The following SNX13 variants were observed in gnomAD, a reference collection of about 807,000 sequenced individuals.
The protein encoded by SNX13 is sorting nexin 13.
Under a neutral mutation model 133.6 loss-of-function variants are expected in SNX13, and 45 were observed. The ratio of observed to expected loss-of-function variants is 0.34; its 90% CI spans 0.27 to 0.43. The LOEUF is 0.43. Among genes scored for constraint, SNX13 ranks in the 20% least tolerant of loss-of-function variants. SNX13 has a pLI of 1.00. For missense variants in SNX13, 1,032 were observed against 1,145.1 expected (o/e 0.90, Z 1.43); for synonymous variants, 414 against 373.9 (o/e 1.11, Z -1.24).
intron 3 of SNX13, among the ~76,000 whole-genome samples, chr7:17,892,739 G>A (rs1583654613): frequency 6.6e-6 from 1 of 152,102 alleles, no homozygotes; most frequent in South Asian, 2.1e-4. Flanking sequence ...TCAACTCCAG[G>A]CCATCTGCCT....
chr7:17,861,762 G>C (rs763601162), intron 9 of SNX13, among the ~76,000 whole-genome samples: 1 of 152,186 alleles, frequency 6.6e-6, no homozygotes, highest in Non-Finnish European at 1.5e-5. Context: ...TGAGAAAAGG[G>C]ATGCAAGATG....
intron 1 of SNX13, among the ~76,000 whole-genome samples, chr7:17,907,741 A>G (rs945122584): frequency 2.0e-5 from 3 of 152,200 alleles, no homozygotes; most frequent in African/African-American, 4.8e-5. Flanking sequence ...CATTTTGATT[A>G]AAGTTGGGAA....
chr7:17,890,671 A>G (rs1005892702), intron 4 of SNX13, among the ~76,000 whole-genome samples, 187 bp from the exon 5 acceptor site: 4 of 152,014 alleles, frequency 2.6e-5, no homozygotes, highest in African/African-American at 7.2e-5. Context: ...ACATTTTTAA[A>G]TTATTCTGGT....
At position 17,803,510 on chromosome 7, in the gene SNX13, T is replaced by C; in HGVS notation, c.2135A>G (p.Asp712Gly). 1 of 1,612,592 alleles carries C rather than the reference T, an allele frequency of 6.2e-7. No homozygotes were observed. Among genetic ancestry groups the C allele is most frequent in the Non-Finnish European group, 8.5e-7 (1 of 1,179,268 alleles). ...TTTAGTCATTCCCTCTGCCAAGCTA[T>C]CAGGAAGGGATTTAACTGCATTTGA... ...NVSNAVKSLP[D>G]SLAEGMTKMS... Residue 712 changes from aspartate to glycine, a missense_variant, in exon 21 of 26, where the codon GAT becomes GGT. Asp to Gly is a moderately conservative substitution (Grantham distance 94). Coordinates refer to ENST00000428135, the MANE Select transcript of SNX13 (RefSeq NM_015132.5).
chr7:17,897,586 G>A (rs1797343304), intron 1 of SNX13, 140 bp from the exon 2 acceptor site: 1 of 499,156 alleles, frequency 2.0e-6, no homozygotes, highest in Admixed American at 3.8e-5. Flanking sequence ...TTGAAAATGT[G>A]AAGTGTATAC....
At chr7:17,934,739 C>G (rs1034316850) in intron 1 of SNX13, among the ~76,000 whole-genome samples, 3 of 152,122 alleles carry the variant, frequency 2.0e-5, no homozygotes, top group African/African-American at 7.2e-5. Context: ...ATAGACATGT[C>G]TCAAAGGAAG....
intron 1 of SNX13, among the ~76,000 whole-genome samples, chr7:17,930,880 C>T (rs1801319151): frequency 6.6e-6 from 1 of 152,078 alleles, no homozygotes; most frequent in South Asian, 2.1e-4. Flanking sequence ...TTGTGAAGTG[C>T]ACATGCAAGG....
At chr7:17,842,704 A>G (rs1304267718) in intron 12 of SNX13, among the ~76,000 whole-genome samples, 2 of 152,076 alleles carry the variant, frequency 1.3e-5, no homozygotes, top group Non-Finnish European at 2.9e-5. Context: ...TGGTTTCTAC[A>G]TAATTTACAA....
At chr7:17,939,787 C>T (rs1360830691) in intron 1 of SNX13, among the ~76,000 whole-genome samples, 1 of 152,206 alleles carries the variant, frequency 6.6e-6, no homozygotes, top group Non-Finnish European at 1.5e-5. Flanking sequence ...AAGTCCACTT[C>T]ATGAAGCAGT....
chr7:17,904,894 T>A (rs983097258), intron 1 of SNX13, among the ~76,000 whole-genome samples: 2 of 152,164 alleles, frequency 1.3e-5, no homozygotes, highest in Non-Finnish European at 1.5e-5. Context: ...TGGAACCCTG[T>A]CTCATTCAGC....
In SNX13 at chr7:17,912,671, C is replaced by CAA. The variant is rs2128022332; in HGVS notation, c.13-15227_13-15226dup. Reference sequence around the variant, plus strand: ...AAGTCATCCACCTGCCTTGGCCTCTCAAAGTGCTGGGATTACAGGCTTGAG... The same window carrying CAA: ...AAGTCATCCACCTGCCTTGGCCTCTCAAAAAGTGCTGGGATTACAGGCTTGAG... On this transcript the variant is annotated intron_variant, in intron 1 of 25. Transcript: ENST00000428135. 2.0e-5 allele frequency among the ~76,000 whole-genome samples: 3 copies of CAA among 152,248 alleles called. 1 individual carries two copies. The South Asian group carries it at 6.2e-4, about 32-fold the overall frequency.
intron 1 of SNX13, among the ~76,000 whole-genome samples, chr7:17,937,370 C>A (rs1802220876): frequency 6.6e-6 from 1 of 151,586 alleles, no homozygotes; most frequent in Admixed American, 6.6e-5. Flanking sequence ...TATTTTTGGC[C>A]CGGTGCAGTG....
intron 9 of SNX13, among the ~76,000 whole-genome samples, chr7:17,867,122 T>C (rs977619349): frequency 4.6e-5 from 7 of 152,226 alleles, no homozygotes; most frequent in African/African-American, 1.7e-4. Flanking sequence ...TTTATAGTTT[T>C]AATTGTGCAG....
intron 9 of SNX13, among the ~76,000 whole-genome samples, chr7:17,856,682 C>A (rs1453369798): frequency 6.7e-6 from 1 of 149,168 alleles, no homozygotes; most frequent in Non-Finnish European, 1.5e-5. Context: ...GTCCCAGCTA[C>A]ATGTGAAACT....
chr7:17,911,267 G>A (rs181406707), intron 1 of SNX13, among the ~76,000 whole-genome samples: 185 of 152,220 alleles, frequency 1.2e-3, no homozygotes, highest in Non-Finnish European at 1.4e-3. Context: ...GTATCATATA[G>A]GAATGTATCT....
At position 17,890,464 on chromosome 7, in the gene SNX13, C is replaced by A; in HGVS notation, c.339G>T (p.Arg113Ser). The change falls in exon 5 of 26, where the codon AGG (arginine) becomes AGT (serine). Residue 113 changes from arginine to serine, a missense_variant. By Grantham distance (110) the Arg-to-Ser change is moderately radical. Transcript: ENST00000428135. ...PLQQVIQFSLRDYVQYWYYTL... is the reference protein window; with the variant it reads ...PLQQVIQFSLSDYVQYWYYTL... Reference sequence around the variant, plus strand: ...TATAATACCAATACTGGACATAATCCCTCAAGGAAAACTGGATAACCTATA... The same window carrying A: ...TATAATACCAATACTGGACATAATCACTCAAGGAAAACTGGATAACCTATA... 1 of 1,578,856 alleles carries A rather than the reference C, an allele frequency of 6.3e-7. No homozygotes were observed. The highest frequency in any genetic ancestry group is 1.2e-5 in the South Asian group (1 of 84,654).
intron 18 of SNX13, among the ~76,000 whole-genome samples, 200 bp downstream of exon 18, chr7:17,821,309 T>G (rs1787254647): frequency 6.6e-6 from 1 of 152,206 alleles, no homozygotes; most frequent in African/African-American, 2.4e-5. Context: ...CACTAGTCCA[T>G]GATGGTTAGG....
At chr7:17,913,361 T>C (rs1006577548) in intron 1 of SNX13, among the ~76,000 whole-genome samples, 2 of 152,140 alleles carry the variant, frequency 1.3e-5, no homozygotes, top group Admixed American at 6.6e-5. Flanking sequence ...GGCCATTTCT[T>C]AGACTTCTCC....
chr7:17,884,749 A>G (rs939295146), intron 5 of SNX13, among the ~76,000 whole-genome samples: 2 of 152,200 alleles, frequency 1.3e-5, no homozygotes, highest in African/African-American at 4.8e-5. Flanking sequence ...TATACAAATG[A>G]CCAATAAGCA....
Sources: allele counts gnomAD v4.1 joint callset (sites outside exome capture counted in the v4.1 genomes callset), GRCh38; gene constraint gnomAD v4.1.1; transcripts MANE v1.5; gene names NCBI Gene and HGNC (gene_info 2026-07-23, HGNC 2026-07-21).